ZMAT4: variants seen among roughly 807,000 people sequenced by gnomAD.
The protein encoded by ZMAT4 is zinc finger matrin-type protein 4.
A neutral mutation model predicts 28.7 loss-of-function variants in ZMAT4; 17 were observed. That is an observed-to-expected ratio of 0.59 (90% CI 0.41 to 0.89). The LOEUF is 0.89. Among genes scored for constraint, ZMAT4 ranks in the 40% least tolerant of loss-of-function variants. The pLI is 0.00. For missense variants in ZMAT4, 240 were observed against 283.8 expected (o/e 0.85, Z 1.11); for synonymous variants, 117 against 109.2 (o/e 1.07, Z -0.44).
chr8:40,588,671 G>A (rs1159570175), intron 5 of ZMAT4, among the ~76,000 whole-genome samples: 1 of 152,014 alleles, frequency 6.6e-6, no homozygotes, highest in Non-Finnish European at 1.5e-5. Context: ...CATTCTTGAG[G>A]GGATTGCAAA....
At chr8:40,600,342 G>C (rs189552683) in intron 5 of ZMAT4, among the ~76,000 whole-genome samples, 4 of 152,304 alleles carry the variant, frequency 2.6e-5, no homozygotes, top group Admixed American at 2.0e-4. Context: ...CAGATATTCT[G>C]TTATTCTGAC....
In ZMAT4 at chr8:40,674,843, G is replaced by A. The variant is rs1294397731; in HGVS notation, c.438C>T (p.Tyr146=). 6.2e-7 allele frequency: 1 copy of A among 1,613,960 alleles called. No homozygotes were observed. The highest frequency in any genetic ancestry group is 1.7e-5 in the Admixed American group (1 of 60,000). Residue 146 remains tyrosine (Y), a synonymous_variant, in exon 5 of 7, where the codon TAC becomes TAT. Transcript: ENST00000297737. ...TAAACCAGGCTGCACAGAGCCCACA[G>A]TATCTGTCTGAATCTCTTCTTTGAT... ...SPYQRRDSDR[Y]CGLCAAWFNN...
chr8:40,781,909 G>A (rs1403152150), intron 2 of ZMAT4, among the ~76,000 whole-genome samples: 1 of 151,856 alleles, frequency 6.6e-6, no homozygotes, highest in Non-Finnish European at 1.5e-5. Context: ...AGTGGAGTTG[G>A]ACTCCTACCT....
chr8:40,845,449 C>G (rs1029883319), intron 1 of ZMAT4, among the ~76,000 whole-genome samples: 3 of 152,150 alleles, frequency 2.0e-5, no homozygotes, highest in Non-Finnish European at 4.4e-5. Context: ...ATTCTGGTCT[C>G]TCCCAGACAC....
chr8:40,888,787 C>T (rs373277823), intron 1 of ZMAT4, among the ~76,000 whole-genome samples: 7 of 152,218 alleles, frequency 4.6e-5, no homozygotes, highest in African/African-American at 9.6e-5. Flanking sequence ...CGGGGGGGCC[C>T]GCAGTACCCA....
intron 5 of ZMAT4, among the ~76,000 whole-genome samples, chr8:40,601,680 GAAAGAAAGAAAGAAAGAAAGAAAGA>G (rs1222320798): frequency 1.3e-4 from 4 of 30,376 alleles, no homozygotes; most frequent in African/African-American, 4.2e-4. Flanking sequence ...AAGAAAGAAA[GAAAGAAAGAAAGAAAGAAAGAAAGA>G]AAAGAAAGAA....
At chr8:40,661,236 G>A (rs771482872) in intron 5 of ZMAT4, among the ~76,000 whole-genome samples, 3 of 152,132 alleles carry the variant, frequency 2.0e-5, no homozygotes, top group Non-Finnish European at 2.9e-5. Flanking sequence ...GACAAGCTGG[G>A]ACTATAGACA....
At chr8:40,845,902 C>G (rs1163962558) in intron 1 of ZMAT4, among the ~76,000 whole-genome samples, 1 of 151,864 alleles carries the variant, frequency 6.6e-6, no homozygotes. Context: ...AACAAGATGT[C>G]AAGAGGAGAA....
intron 1 of ZMAT4, among the ~76,000 whole-genome samples, chr8:40,870,612 T>A (rs1194689698): frequency 6.6e-6 from 1 of 152,224 alleles, no homozygotes; most frequent in African/African-American, 2.4e-5. Flanking sequence ...GTATGTTTCT[T>A]TCCTTACGTG....
chr8:40,787,916 A>G (rs907042823), intron 2 of ZMAT4, among the ~76,000 whole-genome samples: 2 of 152,248 alleles, frequency 1.3e-5, no homozygotes, highest in Non-Finnish European at 2.9e-5. Flanking sequence ...AGGGTAATTG[A>G]AACTGTGGAA....
At chr8:40,791,279 C>G (rs1370523299) in intron 2 of ZMAT4, among the ~76,000 whole-genome samples, 1 of 152,102 alleles carries the variant, frequency 6.6e-6, no homozygotes, top group Non-Finnish European at 1.5e-5. Flanking sequence ...CAGATGTGAC[C>G]AGGTTCCAAA....
At position 40,795,404 on chromosome 8, in the gene ZMAT4, C is replaced by G. The variant is rs141934709; in HGVS notation, c.103-27674G>C. Among the ~76,000 whole-genome samples the G allele has an allele frequency of 5.9e-5, 9 of 152,316 alleles. No individual in the cohort carries two copies. In the East Asian group the frequency reaches 7.7e-4, roughly 13 times the overall value. ...AGCTGTACTGGATCCTTATGAATAC[C>G]ATGATCACCAGACCATGAGACTGTT... is the stretch of plus-strand genomic sequence containing the variant. On this transcript the variant is annotated intron_variant, in intron 2 of 6. Coordinates refer to ENST00000297737, the MANE Select transcript of ZMAT4 (RefSeq NM_024645.3).
At chr8:40,770,860 A>ACTTACAGTGTCTTCCT (rs1813361617) in intron 2 of ZMAT4, among the ~76,000 whole-genome samples, 1 of 152,046 alleles carries the variant, frequency 6.6e-6, no homozygotes, top group Admixed American at 6.6e-5. Context: ...ACTCTGAGAC[A>ACTTACAGTGTCTTCCT]CTTACAGTGT....
chr8:40,747,975 T>A, intron 3 of ZMAT4, among the ~76,000 whole-genome samples: 1 of 152,324 alleles, frequency 6.6e-6, no homozygotes, highest in South Asian at 2.1e-4. Context: ...ACGACCAACA[T>A]TGTGTCTTAT....
At chr8:40,724,781 A>T (rs932568475) in intron 3 of ZMAT4, among the ~76,000 whole-genome samples, 2 of 152,196 alleles carry the variant, frequency 1.3e-5, no homozygotes, top group African/African-American at 4.8e-5. Context: ...CCTATGTGAG[A>T]TGTGGAGATG....
intron 3 of ZMAT4, among the ~76,000 whole-genome samples, chr8:40,760,157 G>T (rs1479470972): frequency 6.6e-6 from 1 of 152,132 alleles, no homozygotes; most frequent in Non-Finnish European, 1.5e-5. Context: ...TACATATGCA[G>T]AGAAACGTTC....
chr8:40,796,389 T>C lies in ZMAT4; in HGVS notation c.103-28659A>G, dbSNP rs143874255. Among the ~76,000 whole-genome samples, 44 of 152,258 alleles carry C rather than the reference T, an allele frequency of 2.9e-4. 2 individuals are homozygous for C. The East Asian group carries it at 7.1e-3, about 25-fold the overall frequency. On this transcript the variant is annotated intron_variant, in intron 2 of 6. Coordinates refer to ENST00000297737, the MANE Select transcript of ZMAT4 (RefSeq NM_024645.3). The stretch of plus-strand genomic sequence containing the variant: ...ACTGAAAAATGAAAACAAAAAAACA[T>C]TGATATTTCATGTCAGGGTGCTTCT...
At chr8:40,654,563 A>G (rs1807833112) in intron 5 of ZMAT4, among the ~76,000 whole-genome samples, 1 of 152,180 alleles carries the variant, frequency 6.6e-6, no homozygotes, top group Non-Finnish European at 1.5e-5. Context: ...AAAATTCTCA[A>G]CAAAATGCTA....
At chr8:40,819,070 T>C (rs902050244) in intron 2 of ZMAT4, among the ~76,000 whole-genome samples, 5 of 152,080 alleles carry the variant, frequency 3.3e-5, no homozygotes, top group Non-Finnish European at 7.4e-5. Context: ...CTGGATTAAA[T>C]AGAAGCTAGC....
Sources: gnomAD v4.1 joint callset for allele counts (sites outside exome capture counted in the v4.1 genomes callset) on GRCh38, gnomAD v4.1.1 for gene constraint, MANE v1.5 for transcripts, NCBI Gene and HGNC (gene_info 2026-07-23, HGNC 2026-07-21) for gene names.